Variants in EPHA7 observed in about 807,000 individuals in gnomAD.
EPHA7 encodes the protein EPH receptor A7, also known as ephrin type-A receptor 7.
EPHA7 carries 25 observed loss-of-function variants against 112.6 expected under a neutral mutation model. The observed-to-expected ratio is 0.22, with a 90% CI of 0.16 to 0.31. The LOEUF is 0.31. Among genes scored for constraint, EPHA7 ranks in the 10% least tolerant of loss-of-function variants. EPHA7 has a pLI of 1.00. For missense variants in EPHA7, 962 were observed against 1,212.6 expected (o/e 0.79, Z 3.07); for synonymous variants, 437 against 406.5 (o/e 1.07, Z -0.90).
At chr6:93,394,823 C>T (rs1335495667) in intron 3 of EPHA7, among the ~76,000 whole-genome samples, 3 of 151,760 alleles carry the variant, frequency 2.0e-5, no homozygotes, top group African/African-American at 7.2e-5. Context: ...TTCCGTGAAA[C>T]TCAGAAAATC....
At chr6:93,362,670 T>C (rs142084267) in intron 3 of EPHA7, among the ~76,000 whole-genome samples, 1,695 of 152,238 alleles carry the variant, frequency 0.011, 34 homozygotes, top group Admixed American at 0.043. Flanking sequence ...ATACTTGCAT[T>C]ATGCAGTCAG....
intron 5 of EPHA7, among the ~76,000 whole-genome samples, chr6:93,291,762 C>T (rs1292379935): frequency 1.4e-4 from 2 of 14,478 alleles, no homozygotes; most frequent in Admixed American, 7.6e-4. Flanking sequence ...AGCGAGACTC[C>T]GTCTCAAAAA....
At chr6:93,271,677 TA>T (rs1468992625) in intron 6 of EPHA7, among the ~76,000 whole-genome samples, 1 of 151,884 alleles carries the variant, frequency 6.6e-6, no homozygotes. Context: ...ATAGGTGGAT[TA>T]AAAAGGCAGC....
At chr6:93,414,518 G>A (rs1779129502) in intron 2 of EPHA7, among the ~76,000 whole-genome samples, 185 bp downstream of exon 2, 1 of 151,676 alleles carries the variant, frequency 6.6e-6, no homozygotes, top group Admixed American at 6.6e-5. Context: ...ATTTCCCCAA[G>A]TTCTAAGTAT....
At chr6:93,367,169 T>G (rs1279027313) in intron 3 of EPHA7, among the ~76,000 whole-genome samples, 1 of 152,168 alleles carries the variant, frequency 6.6e-6, no homozygotes, top group Non-Finnish European at 1.5e-5. Context: ...CATTTTATTC[T>G]ACTAAAAATC....
At chr6:93,303,449 T>C (rs1274705586) in intron 5 of EPHA7, among the ~76,000 whole-genome samples, 1 of 152,064 alleles carries the variant, frequency 6.6e-6, no homozygotes, top group African/African-American at 2.4e-5. Flanking sequence ...AAATAAAATA[T>C]ATGCTCTGTT....
At position 93,246,802 on chromosome 6, in the gene EPHA7, T is replaced by C. The variant is rs762475797; in HGVS notation, c.2716A>G (p.Thr906Ala). 1.2e-6 allele frequency: 2 copies of C among 1,603,866 alleles called. No individual in the cohort carries two copies. Among genetic ancestry groups the C allele is most frequent in the Non-Finnish European group, 1.7e-6 (2 of 1,171,270 alleles). ...TTAGGCATTTCTTACCTACTACAAG[T>C]TCCCAGGGGAGTTTTCAGACTATTT... ...NPNSLKTPLG[T>A]CSRPISPLLD... Residue 906 changes from threonine to alanine, a missense_variant, in exon 15 of 17, where the codon ACT becomes GCT. By Grantham distance (58) the Thr-to-Ala change is moderately conservative. This residue lies in a region of EPHA7 where 746 missense variants were observed against 889.2 expected (regional missense o/e 0.84). Transcript: ENST00000369303.
chr6:93,403,986 A>C (rs1778562723), intron 3 of EPHA7, among the ~76,000 whole-genome samples: 2 of 152,160 alleles, frequency 1.3e-5, no homozygotes, highest in Non-Finnish European at 2.9e-5. Context: ...TCGTAGAAAT[A>C]TCTATGGGCA....
At chr6:93,365,022 A>T (rs1319066045) in intron 3 of EPHA7, among the ~76,000 whole-genome samples, 2 of 152,154 alleles carry the variant, frequency 1.3e-5, no homozygotes, top group Non-Finnish European at 2.9e-5. Context: ...CATCCACATT[A>T]CTTTGCCAGA....
intron 5 of EPHA7, among the ~76,000 whole-genome samples, chr6:93,282,654 G>T (rs1771807423): frequency 6.6e-6 from 1 of 152,152 alleles, no homozygotes; most frequent in Non-Finnish European, 1.5e-5. Context: ...GGAGGGAGAG[G>T]GGCAGGCAGG....
chr6:93,383,745 T>G lies in EPHA7; in HGVS notation c.833-25334A>C, dbSNP rs562763969. Among the ~76,000 whole-genome samples, 10 of 152,278 alleles carry G rather than the reference T, an allele frequency of 6.6e-5. No individual in the cohort carries two copies. The South Asian group carries it at 2.1e-3, about 32-fold the overall frequency. ...TAGACAATGTCTTGTTGTCACCCAG[T>G]TTACTGCAGTAGTACCATCATAGCT... On this transcript the variant is annotated intron_variant, in intron 3 of 16. Transcript: ENST00000369303.
Position 93,258,122 on chromosome 6 carries a change from T to G in EPHA7, c.2087A>C (p.His696Pro), listed in dbSNP as rs1045593838. ...MGQFDHPNVV[H>P]LEGVVTRGKP... ...ACCTCTTGTAACAACCCCTTCCAAA[T>G]GGACAACATTCGGGTGGTCAAACTG... Residue 696 changes from histidine (H) to proline (P), a missense_variant, in exon 11 of 17, where the codon CAT (histidine) becomes CCT (proline). Physicochemically the swap from His to Pro is moderately conservative, Grantham distance 77. This residue lies in a region of EPHA7 where 746 missense variants were observed against 889.2 expected (regional missense o/e 0.84). Transcript: ENST00000369303. 2 of 1,613,176 alleles carry G rather than the reference T, an allele frequency of 1.2e-6. No individual in the cohort carries two copies. Among genetic ancestry groups the G allele is most frequent in the Non-Finnish European group, 1.7e-6 (2 of 1,179,604 alleles).
chr6:93,295,287 C>T (rs996805566), intron 5 of EPHA7, among the ~76,000 whole-genome samples: 3 of 151,878 alleles, frequency 2.0e-5, no homozygotes, highest in Non-Finnish European at 2.9e-5. Flanking sequence ...TTTGGGATGA[C>T]CTTTAATATG....
intron 9 of EPHA7, among the ~76,000 whole-genome samples, chr6:93,263,309 T>C (rs1305451476): frequency 6.6e-6 from 1 of 151,392 alleles, no homozygotes; most frequent in African/African-American, 2.4e-5. Context: ...TAAATATGAT[T>C]TCTAAAATGA....
chr6:93,384,341 A>G (rs1777493895), intron 3 of EPHA7, among the ~76,000 whole-genome samples: 1 of 152,038 alleles, frequency 6.6e-6, no homozygotes, highest in African/African-American at 2.4e-5. Context: ...CCTCTCTCAT[A>G]TCTAGTTCAG....
intron 3 of EPHA7, among the ~76,000 whole-genome samples, chr6:93,359,561 T>C (rs10944667): frequency 0.18 from 26,994 of 151,724 alleles, 2,817 homozygotes; most frequent in East Asian, 0.36. Flanking sequence ...ATTCTCCACT[T>C]GGGTATTATG....
chr6:93,319,980 C>T (rs1418743209), intron 5 of EPHA7, among the ~76,000 whole-genome samples: 1 of 151,846 alleles, frequency 6.6e-6, no homozygotes, highest in Non-Finnish European at 1.5e-5. Flanking sequence ...CTGAGGCTCC[C>T]TCTTACTAGT....
intron 7 of EPHA7, 25 bp downstream of exon 7, chr6:93,269,452 G>A: frequency 6.2e-7 from 1 of 1,602,388 alleles, no homozygotes. Context: ...TTGAGAGTAG[G>A]AATCCAAACC....
chr6:93,263,749 C>T lies in EPHA7; in HGVS notation c.1798+111G>A, dbSNP rs568068603. The T allele has an allele frequency of 6.6e-5, 45 of 677,816 alleles. 1 individual carries two copies. The South Asian group carries it at 1.0e-3, about 16-fold the overall frequency. The allele number at this position is 677,816 out of a possible 1,614,324, so 42.0% of individuals were successfully genotyped here. A position where few individuals can be genotyped will look rare whatever the true frequency, so the allele number is the denominator to read the frequency against. ...ATGCTTTAAAGCAACATTTTGAGCT[C>T]ATGGTATAATTTCAAGCATGATGCA... On this transcript the variant is annotated intron_variant, in intron 9 of 16. Transcript: ENST00000369303.
Sources: allele counts gnomAD v4.1 joint callset (sites outside exome capture counted in the v4.1 genomes callset), GRCh38; gene constraint gnomAD v4.1.1; regional missense constraint gnomAD v4.1.1; transcripts MANE v1.5; gene names NCBI Gene and HGNC (gene_info 2026-07-23, HGNC 2026-07-21).